The following XPNPEP1 variants were observed in gnomAD, a reference collection of about 807,000 sequenced individuals.
The protein encoded by XPNPEP1 is X-prolyl aminopeptidase 1.
Under a neutral mutation model 92.4 loss-of-function variants are expected in XPNPEP1, and 39 were observed. The observed-to-expected ratio is 0.42, with a 90% confidence interval of 0.33 to 0.55. The LOEUF is 0.55. XPNPEP1 is among the 20% of genes least tolerant of loss of function. The pLI is 0.08. For missense variants in XPNPEP1, 654 were observed against 856.1 expected (o/e 0.76, Z 2.95); for synonymous variants, 307 against 299.4 (o/e 1.03, Z -0.26).
In XPNPEP1 at chr10:109,882,567, G is replaced by C; in HGVS notation, c.906C>G (p.Ala302=). The C allele has an allele frequency of 6.2e-7, 1 of 1,614,126 alleles. No individual in the cohort carries two copies. The highest frequency in any genetic ancestry group is 1.6e-4 in the Middle Eastern group (1 of 6,062). ...AGGGATGCACCTGGATCCTGTATTCGGCTTCCAGACCCAAGTCAAGAAGCA... is the reference window on the plus strand; with the variant it reads ...AGGGATGCACCTGGATCCTGTATTCCGCTTCCAGACCCAAGTCAAGAAGCA... ...EHLLLDLGLE[A]EYRIQVHPYK... is the part of the protein sequence containing the mutation. The change falls in exon 10 of 21, where the codon GCC becomes GCG. Residue 302 remains alanine, a synonymous_variant. Coordinates refer to ENST00000502935, the MANE Select transcript of XPNPEP1 (RefSeq NM_020383.4).
At chr10:109,878,853 T>G (rs1847923845) in intron 12 of XPNPEP1, among the ~76,000 whole-genome samples, 1 of 148,986 alleles carries the variant, frequency 6.7e-6, no homozygotes. Context: ...CTCCAGCCTG[T>G]GCAACAGATG....
Position 109,888,599 on chromosome 10 carries a change from CA to C in XPNPEP1, c.416-5del. ...TGAGTTGGTGTGTCCTTCAGACCTACAGGGGGAAGAAATGATAAGAAACAAT... is the reference window on the plus strand; with the variant it reads ...TGAGTTGGTGTGTCCTTCAGACCTACGGGGGAAGAAATGATAAGAAACAAT... On this transcript the variant is annotated splice_polypyrimidine_tract_variant and splice_region_variant and intron_variant, in intron 5 of 20. Coordinates refer to ENST00000502935, the MANE Select transcript of XPNPEP1 (RefSeq NM_020383.4). The C allele has an allele frequency of 6.3e-7, 1 of 1,593,980 alleles. No homozygotes were observed. The highest frequency in any genetic ancestry group is 8.6e-7 in the Non-Finnish European group (1 of 1,168,112).
chr10:109,877,428 TG>T (rs1256903177), intron 14 of XPNPEP1: 1 of 209,602 alleles, frequency 4.8e-6, no homozygotes, highest in Non-Finnish European at 9.7e-6. Flanking sequence ...ATGGCACCAC[TG>T]CGCTCCAGCC....
intron 2 of XPNPEP1, among the ~76,000 whole-genome samples, chr10:109,912,879 A>G (rs750715028): frequency 3.3e-5 from 5 of 152,256 alleles, no homozygotes; most frequent in Non-Finnish European, 7.3e-5. Flanking sequence ...GGCTAAATCA[A>G]ATTCACAACA....
At chr10:109,879,795 C>A (rs1314364345) in intron 12 of XPNPEP1, among the ~76,000 whole-genome samples, 1 of 151,958 alleles carries the variant, frequency 6.6e-6, no homozygotes, top group African/African-American at 2.4e-5. Flanking sequence ...GGCCAAGAGT[C>A]AATTTAATAT....
intron 13 of XPNPEP1, 65 bp from the exon 14 acceptor site, chr10:109,877,932 T>A: frequency 6.2e-7 from 1 of 1,613,916 alleles, no homozygotes; most frequent in East Asian, 2.2e-5. Flanking sequence ...TTCAGGGCCC[T>A]TCCAGCCTCA....
At chr10:109,908,110 G>A (rs148172361) in intron 2 of XPNPEP1, among the ~76,000 whole-genome samples, 126 of 152,318 alleles carry the variant, frequency 8.3e-4, no homozygotes, top group East Asian at 5.6e-3. Flanking sequence ...AAGAATAGGA[G>A]ATAAGTACAC....
intron 9 of XPNPEP1, among the ~76,000 whole-genome samples, chr10:109,883,368 C>G (rs1021683646): frequency 5.9e-4 from 89 of 152,040 alleles, no homozygotes; most frequent in Non-Finnish European, 2.9e-5. Flanking sequence ...CTCTCTGCTT[C>G]AAAATATTAC....
At chr10:109,906,441 G>T (rs931196003) in intron 3 of XPNPEP1, among the ~76,000 whole-genome samples, 1 of 152,098 alleles carries the variant, frequency 6.6e-6, no homozygotes, top group African/African-American at 2.4e-5. Flanking sequence ...AAACCCTCCC[G>T]TCCCAGTTCT....
chr10:109,909,908 C>A (rs928019139), intron 2 of XPNPEP1, among the ~76,000 whole-genome samples: 2 of 152,190 alleles, frequency 1.3e-5, no homozygotes, highest in Non-Finnish European at 2.9e-5. Context: ...GCATCCCCAA[C>A]CAGAGTAGTA....
chr10:109,905,879 T>A (rs774684641), intron 3 of XPNPEP1, among the ~76,000 whole-genome samples: 3 of 152,202 alleles, frequency 2.0e-5, no homozygotes, highest in African/African-American at 7.2e-5. Context: ...CTAAACTTCA[T>A]ACTGTTGCCT....
Position 109,864,984 on chromosome 10 carries a change from A to C in XPNPEP1, c.*200T>G, listed in dbSNP as rs1847051914. ...GCAATTTTATTCTTGGCTTGTTCTC[A>C]ACAATTAAAAAATCATAAAAGACTG... On this transcript the variant is annotated 3_prime_UTR_variant, in exon 21 of 21. Coordinates refer to ENST00000502935, the MANE Select transcript of XPNPEP1 (RefSeq NM_020383.4). 1.3e-6 allele frequency: 1 copy of C among 798,484 alleles called. No individual in the cohort carries two copies. Among genetic ancestry groups the C allele is most frequent in the South Asian group, 1.9e-5 (1 of 51,690 alleles). The allele number at this position is 798,484 out of a possible 1,614,324, so 49.5% of individuals were successfully genotyped here.
chr10:109,870,805 T>A lies in XPNPEP1; in HGVS notation c.1622A>T (p.His541Leu). 1 of 1,614,132 alleles carries A rather than the reference T, an allele frequency of 6.2e-7. No individual in the cohort carries two copies. Among genetic ancestry groups the A allele is most frequent in the Non-Finnish European group, 8.5e-7 (1 of 1,180,030 alleles). Residue 541 changes from histidine (H) to leucine (L), a missense_variant, in exon 18 of 21, where the codon CAT becomes CTT. By Grantham distance (99) the His-to-Leu change is moderately conservative (BLOSUM62 -3). Transcript: ENST00000502935. Reference sequence around the variant, plus strand: ...GTAACTGATGCCGCAAGGACCCTCATGGACATTCAAAAAAGACCCAACACC... The same window carrying A: ...GTAACTGATGCCGCAAGGACCCTCAAGGACATTCAAAAAAGACCCAACACC... Reference protein sequence around the residue: ...GHGVGSFLNVHEGPCGISYKT... With the variant: ...GHGVGSFLNVLEGPCGISYKT...
At chr10:109,868,583 A>AC in intron 20 of XPNPEP1, 31 bp downstream of exon 20, 1 of 1,564,778 alleles carries the variant, frequency 6.4e-7, no homozygotes, top group African/African-American at 1.4e-5. Context: ...TCCCCTAGTA[A>AC]CATGCCTGCC....
At chr10:109,902,712 A>T (rs1849350478) in intron 3 of XPNPEP1, among the ~76,000 whole-genome samples, 1 of 152,274 alleles carries the variant, frequency 6.6e-6, no homozygotes, top group Admixed American at 6.5e-5. Flanking sequence ...AAGTCTAAAC[A>T]GTGACTTCTG....
At chr10:109,904,407 G>A (rs775809866) in intron 3 of XPNPEP1, among the ~76,000 whole-genome samples, 10 of 151,760 alleles carry the variant, frequency 6.6e-5, no homozygotes, top group Non-Finnish European at 1.5e-4. Context: ...ACCCATCATC[G>A]GATGAAAAGT....
rs780000763 is a variant in XPNPEP1 at position 109,878,061 on chromosome 10, A to T, written c.1183-3T>A. The stretch of plus-strand genomic sequence containing the variant: ...TCTGTCACACCACCTTTGGGAACCT[A>T]TGAGAAAATTGCTTATAAATCATCT... On this transcript the variant is annotated splice_region_variant and splice_polypyrimidine_tract_variant and intron_variant, in intron 12 of 20. Transcript: ENST00000502935. The T allele has an allele frequency of 2.8e-5, 46 of 1,614,098 alleles. No individual in the cohort carries two copies. Among genetic ancestry groups the T allele is most frequent in the Non-Finnish European group, 3.7e-5 (44 of 1,180,038 alleles).
intron 13 of XPNPEP1, 53 bp downstream of exon 13, chr10:109,877,947 A>G: frequency 6.2e-7 from 1 of 1,614,180 alleles, no homozygotes; most frequent in Non-Finnish European, 8.5e-7. Context: ...GCCTCATTCA[A>G]CTAGCAAGAA....
chr10:109,883,443 G>A lies in XPNPEP1; in HGVS notation c.830+624C>T, dbSNP rs962007865. ...GGCCCCTCTCGTAACACCTGTATCT[G>A]TCCCACAAGCAGACTGGTGCCCACT... On this transcript the variant is annotated intron_variant, in intron 9 of 20. Transcript: ENST00000502935. Among the ~76,000 whole-genome samples the A allele has an allele frequency of 2.6e-5, 4 of 152,042 alleles. 1 individual carries two copies. The highest frequency in any genetic ancestry group is 4.4e-5 in the Non-Finnish European group (3 of 68,022).
Sources: gnomAD v4.1 joint callset for allele counts (sites outside exome capture counted in the v4.1 genomes callset) on GRCh38, gnomAD v4.1.1 for gene constraint, MANE v1.5 for transcripts, NCBI Gene and HGNC (gene_info 2026-07-23, HGNC 2026-07-21) for gene names.